The following GPC6 variants were observed in gnomAD, a reference collection of about 807,000 sequenced individuals.
The protein encoded by GPC6 is glypican 6, also known as glypican-6.
GPC6 carries 14 observed loss-of-function variants against 55.2 expected under a neutral mutation model. The ratio of observed to expected loss-of-function variants is 0.25; its 90% CI spans 0.17 to 0.40. The LOEUF is 0.40. GPC6 is among the 10% of genes least tolerant of loss of function. GPC6 has a pLI of 1.00. For missense variants in GPC6, 641 were observed against 708.5 expected (o/e 0.90, Z 1.08); for synonymous variants, 278 against 259.6 (o/e 1.07, Z -0.68).
chr13:94,400,875 A>G (rs926974737), intron 8 of GPC6, among the ~76,000 whole-genome samples: 1 of 152,180 alleles, frequency 6.6e-6, no homozygotes, highest in Non-Finnish European at 1.5e-5. Context: ...CTCCTAACAG[A>G]TAGATGTTAT....
chr13:93,518,644 A>G (rs369319332), intron 1 of GPC6, among the ~76,000 whole-genome samples: 1 of 152,014 alleles, frequency 6.6e-6, no homozygotes, highest in Non-Finnish European at 1.5e-5. Flanking sequence ...GGAAGATAAC[A>G]CTTGCTTTGG....
intron 3 of GPC6, among the ~76,000 whole-genome samples, chr13:93,953,784 C>T (rs1273995149): frequency 1.3e-5 from 2 of 152,148 alleles, no homozygotes; most frequent in East Asian, 3.9e-4. Flanking sequence ...TCCCCTTGCA[C>T]TCCAGTGAAA....
chr13:93,502,669 G>A (rs1007647709), intron 1 of GPC6, among the ~76,000 whole-genome samples: 2 of 152,078 alleles, frequency 1.3e-5, no homozygotes, highest in Admixed American at 6.6e-5. Flanking sequence ...CAGCTATAGA[G>A]ATAGTATGTT....
chr13:93,696,532 C>T (rs964059424), intron 2 of GPC6, among the ~76,000 whole-genome samples: 6 of 151,582 alleles, frequency 4.0e-5, no homozygotes, highest in Non-Finnish European at 5.9e-5. Flanking sequence ...CTTCCCTCCC[C>T]CTTTTTTTCC....
chr13:93,933,266 T>G lies in GPC6; in HGVS notation c.712-94463T>G, dbSNP rs543982022. 1.4e-4 allele frequency among the ~76,000 whole-genome samples: 22 copies of G among 152,304 alleles called. No individual in the cohort carries two copies. In the South Asian group the frequency reaches 3.9e-3, roughly 27 times the overall value. On this transcript the variant is annotated intron_variant, in intron 3 of 8. Transcript: ENST00000377047. ...TTGGGTTGTGCTTTACACCTTTGCATGGAGGTCCTACTGGCGTCTACTTAG... is the reference window on the plus strand; with the variant it reads ...TTGGGTTGTGCTTTACACCTTTGCAGGGAGGTCCTACTGGCGTCTACTTAG...
intron 2 of GPC6, among the ~76,000 whole-genome samples, chr13:93,693,449 G>T (rs1882330928): frequency 7.1e-6 from 1 of 140,212 alleles, no homozygotes; most frequent in Admixed American, 7.7e-5. Flanking sequence ...ATGTGTGTGT[G>T]TGTATGTATA....
chr13:94,084,978 A>G (rs367648454), intron 4 of GPC6, among the ~76,000 whole-genome samples: 6 of 152,096 alleles, frequency 3.9e-5, no homozygotes, highest in African/African-American at 1.2e-4. Flanking sequence ...AGAGATAACT[A>G]TATCATGGAT....
At chr13:94,090,278 G>C (rs140419587) in intron 4 of GPC6, among the ~76,000 whole-genome samples, 273 of 152,130 alleles carry the variant, frequency 1.8e-3, no homozygotes, top group Non-Finnish European at 2.6e-3. Flanking sequence ...ACCGGCCCCT[G>C]TGATTTAATT....
chr13:93,695,656 C>T (rs957201008), intron 2 of GPC6, among the ~76,000 whole-genome samples: 22 of 152,152 alleles, frequency 1.4e-4, no homozygotes, highest in African/African-American at 5.3e-4. Context: ...AACATTTCCA[C>T]TCCAAAAATG....
chr13:93,798,788 G>A (rs149462282), intron 2 of GPC6, among the ~76,000 whole-genome samples: 314 of 151,916 alleles, frequency 2.1e-3, no homozygotes, highest in African/African-American at 7.1e-3. Flanking sequence ...GCATGGTGGT[G>A]TGTGCCTGTA....
chr13:94,203,689 A>G (rs1326616951), intron 4 of GPC6, among the ~76,000 whole-genome samples: 1 of 152,106 alleles, frequency 6.6e-6, no homozygotes, highest in African/African-American at 2.4e-5. Flanking sequence ...TAACATCACA[A>G]TTACTTTCAA....
At chr13:93,895,707 T>C (rs1263873342) in intron 3 of GPC6, among the ~76,000 whole-genome samples, 1 of 152,092 alleles carries the variant, frequency 6.6e-6, no homozygotes, top group African/African-American at 2.4e-5. Flanking sequence ...CTTAATGTTA[T>C]GGAAAAGTAA....
chr13:93,382,282 C>A (rs557222976), intron 1 of GPC6, among the ~76,000 whole-genome samples: 4 of 152,144 alleles, frequency 2.6e-5, no homozygotes, highest in East Asian at 1.9e-4. Context: ...TATAATAGAC[C>A]ATTCATTTTT....
At chr13:94,243,106 A>C (rs7317155) in intron 4 of GPC6, among the ~76,000 whole-genome samples, 108,175 of 151,954 alleles carry the variant, frequency 0.71, 39,203 homozygotes, top group African/African-American at 0.84. Context: ...GAAAGCCCTG[A>C]CTTCATCTCT....
intron 1 of GPC6, among the ~76,000 whole-genome samples, chr13:93,544,009 G>A (rs966407072): frequency 6.6e-6 from 1 of 151,424 alleles, no homozygotes; most frequent in African/African-American, 2.4e-5. Flanking sequence ...TCCTAACTGG[G>A]GTGAGATGAT....
intron 8 of GPC6, among the ~76,000 whole-genome samples, 183 bp downstream of exon 8, chr13:94,398,824 A>G (rs1202099661): frequency 1.3e-5 from 2 of 152,256 alleles, no homozygotes; most frequent in African/African-American, 4.8e-5. Context: ...GGATACGAAT[A>G]AAATCATAAA....
chr13:93,220,689 C>G, the GPC6 span, among the ~76,000 whole-genome samples: 2 of 152,220 alleles, frequency 1.3e-5, no homozygotes, highest in East Asian at 1.9e-4. Context: ...TGAAATGATG[C>G]TTAGCCAGTA....
intron 4 of GPC6, among the ~76,000 whole-genome samples, chr13:94,097,536 G>A (rs1285853199): frequency 1.4e-5 from 2 of 147,314 alleles, no homozygotes; most frequent in Non-Finnish European, 3.0e-5. Flanking sequence ...AAAGAGGCAA[G>A]TGATTATTTA....
intron 1 of GPC6, among the ~76,000 whole-genome samples, chr13:93,451,255 TA>T (rs1355747189): frequency 3.9e-5 from 6 of 152,244 alleles, no homozygotes; most frequent in Admixed American, 3.9e-4. Flanking sequence ...TTTCTCCAGT[TA>T]AAAATGTATT....
Sources: gnomAD v4.1 joint callset for allele counts (sites outside exome capture counted in the v4.1 genomes callset) on GRCh38, gnomAD v4.1.1 for gene constraint, MANE v1.5 for transcripts, NCBI Gene and HGNC (gene_info 2026-07-23, HGNC 2026-07-21) for gene names.